Variants in IQGAP1 observed in about 807,000 individuals in gnomAD.
The protein encoded by IQGAP1 is IQ motif containing GTPase activating protein 1.
Under a neutral mutation model 215.6 loss-of-function variants are expected in IQGAP1, and 66 were observed. That is an observed-to-expected ratio of 0.31 (90% CI 0.25 to 0.38). The LOEUF (loss-of-function observed/expected upper bound fraction) is 0.38, where lower values mean the gene tolerates loss of function less well. Among genes scored for constraint, IQGAP1 ranks in the 10% least tolerant of loss-of-function variants. IQGAP1 has a pLI of 1.00. For synonymous variants in IQGAP1, 772 were observed against 728.7 expected (o/e 1.06, Z -0.96); for missense variants, 1,712 against 1,997.1 (o/e 0.86, Z 2.72).
At chr15:90,451,709 C>G (rs1965606731) in intron 11 of IQGAP1, among the ~76,000 whole-genome samples, 1 of 152,000 alleles carries the variant, frequency 6.6e-6, no homozygotes, top group Non-Finnish European at 1.5e-5. Flanking sequence ...CCAATCCAAA[C>G]CATAGCACTG....
In IQGAP1 at chr15:90,476,623, T is replaced by A. The variant is rs765646901; in HGVS notation, c.2785-40T>A. ...TTCCTCAATGCCCAGAGGTTCATCT[T>A]TGAAAGCTTTCTGATCTATTTATTG... On this transcript the variant is annotated intron_variant, in intron 23 of 37. Coordinates refer to ENST00000268182, the MANE Select transcript of IQGAP1 (RefSeq NM_003870.4). The A allele has an allele frequency of 2.0e-6, 3 of 1,494,344 alleles. No homozygotes were observed. The Admixed American group carries it at 6.9e-5, about 35-fold the overall frequency. The allele number at this position is 1,494,344 out of a possible 1,614,324, so 92.6% of individuals were successfully genotyped here.
intron 15 of IQGAP1, among the ~76,000 whole-genome samples, chr15:90,456,938 AC>A: frequency 1.8e-5 from 2 of 110,600 alleles, no homozygotes; most frequent in Non-Finnish European, 1.7e-5. Context: ...ATATATATAT[AC>A]GTATATATAT....
chr15:90,477,037 C>A, intron 24 of IQGAP1, 30 bp from the exon 25 acceptor site: 3 of 1,606,876 alleles, frequency 1.9e-6, no homozygotes, highest in Non-Finnish European at 2.6e-6. Flanking sequence ...ATATTACCTA[C>A]AAATGACTTA....
At chr15:90,441,843 C>T (rs1247991701) in intron 8 of IQGAP1, among the ~76,000 whole-genome samples, 159 bp downstream of exon 8, 4 of 152,130 alleles carry the variant, frequency 2.6e-5, no homozygotes, top group South Asian at 2.1e-4. Flanking sequence ...TATATGTGAT[C>T]ATTTAACCAT....
chr15:90,448,830 TC>T, intron 10 of IQGAP1, 94 bp downstream of exon 10: 1 of 1,131,082 alleles, frequency 8.8e-7, no homozygotes, highest in Non-Finnish European at 1.2e-6. Flanking sequence ...CCTTTGTTTT[TC>T]CCCCAATACG....
At chr15:90,472,085 A>G (rs915712808) in intron 18 of IQGAP1, among the ~76,000 whole-genome samples, 1 of 152,144 alleles carries the variant, frequency 6.6e-6, no homozygotes, top group Non-Finnish European at 1.5e-5. Flanking sequence ...GGGCAATATA[A>G]TGAGGACTCA....
intron 15 of IQGAP1, among the ~76,000 whole-genome samples, chr15:90,456,938 A>G (rs1335707846): frequency 9.0e-6 from 1 of 110,600 alleles, no homozygotes; most frequent in African/African-American, 5.1e-5. Context: ...ATATATATAT[A>G]CGTATATATA....
intron 2 of IQGAP1, among the ~76,000 whole-genome samples, chr15:90,403,651 C>T (rs546771490): frequency 1.4e-4 from 21 of 152,274 alleles, no homozygotes; most frequent in African/African-American, 5.1e-4. Context: ...AGTGGTTGCA[C>T]ACTGTACATT....
chr15:90,409,493 C>T (rs1388008517), intron 2 of IQGAP1, among the ~76,000 whole-genome samples: 1 of 152,124 alleles, frequency 6.6e-6, no homozygotes. Context: ...CCGCCTTGGC[C>T]TCCCAAAGTG....
At chr15:90,434,933 G>A (rs1420271207) in intron 5 of IQGAP1, among the ~76,000 whole-genome samples, 2 of 152,212 alleles carry the variant, frequency 1.3e-5, no homozygotes, top group Non-Finnish European at 2.9e-5. Context: ...GGCAGAGCAA[G>A]TGGGACATGA....
intron 2 of IQGAP1, among the ~76,000 whole-genome samples, chr15:90,402,543 T>C (rs1964817935): frequency 6.6e-6 from 1 of 152,198 alleles, no homozygotes; most frequent in African/African-American, 2.4e-5. Context: ...GTTTGGGGAT[T>C]TAGACACACT....
At position 90,388,320 on chromosome 15, in the gene IQGAP1, CAG is replaced by C. The variant is rs1964579687; in HGVS notation, c.-18_-17del. The C allele has an allele frequency of 6.3e-7, 1 of 1,597,642 alleles. No individual in the cohort carries two copies. Among genetic ancestry groups the C allele is most frequent in the Non-Finnish European group, 8.5e-7 (1 of 1,173,492 alleles). On this transcript the variant is annotated 5_prime_UTR_variant, in exon 1 of 38. Coordinates refer to ENST00000268182, the MANE Select transcript of IQGAP1 (RefSeq NM_003870.4). ...CTCCAAGGTTTCACGGCTTCCTCAG[CAG>C]AGACTCGGGCTCGTCCGCCATGTCC...
In IQGAP1 at chr15:90,464,638, C is replaced by T. The variant is rs186503020; in HGVS notation, c.1777-1363C>T. Among the ~76,000 whole-genome samples the T allele has an allele frequency of 1.3e-4, 20 of 152,146 alleles. 1 individual carries two copies. The highest frequency in any genetic ancestry group is 2.1e-4 in the Non-Finnish European group (14 of 67,990). On this transcript the variant is annotated intron_variant, in intron 15 of 37. Transcript: ENST00000268182. ...GGCCAGGACGTGCAGATCACAAGGT[C>T]AGGAGATTGAGACCATCCTGGCTAA...
rs757549582 is a variant in IQGAP1, at chr15:90,494,854, T to C, written c.4751+19T>C. 1.9e-6 allele frequency: 3 copies of C among 1,573,454 alleles called. No homozygotes were observed. Among genetic ancestry groups the C allele is most frequent in the Non-Finnish European group, 2.6e-6 (3 of 1,159,134 alleles). ...TGAATCAGTGAGTCTTTGCTTTTTG[T>C]TTTATAAGTTGATTTTTATTTCTAC... On this transcript the variant is annotated intron_variant, in intron 36 of 37. Coordinates refer to ENST00000268182, the MANE Select transcript of IQGAP1 (RefSeq NM_003870.4).
intron 1 of IQGAP1, among the ~76,000 whole-genome samples, chr15:90,389,885 G>A (rs958867842): frequency 3.3e-5 from 5 of 150,614 alleles, no homozygotes; most frequent in Admixed American, 2.0e-4. Context: ...AGCCCAGAAA[G>A]TCGAGGCTGC....
intron 2 of IQGAP1, among the ~76,000 whole-genome samples, chr15:90,424,026 CT>C (rs397824844): frequency 1.0e-3 from 151 of 146,124 alleles, no homozygotes; most frequent in Non-Finnish European, 9.1e-4. Flanking sequence ...AAATAAGTAA[CT>C]TTTTTTTTTT....
intron 2 of IQGAP1, among the ~76,000 whole-genome samples, chr15:90,413,569 G>T (rs7167704): frequency 0.38 from 57,937 of 151,948 alleles, 11,924 homozygotes; most frequent in African/African-American, 0.55. Flanking sequence ...GGTTGCACAG[G>T]GAGTTTCGGC....
intron 35 of IQGAP1, among the ~76,000 whole-genome samples, chr15:90,493,257 C>A (rs558630237): frequency 6.6e-6 from 1 of 151,784 alleles, no homozygotes; most frequent in African/African-American, 2.4e-5. Flanking sequence ...AAAAAATCTT[C>A]TTGGCCTTAG....
chr15:90,462,813 A>G (rs1016935350), intron 15 of IQGAP1, among the ~76,000 whole-genome samples: 10 of 152,042 alleles, frequency 6.6e-5, no homozygotes, highest in Non-Finnish European at 1.2e-4. Context: ...CTGAAATGCA[A>G]TCAGCGTGTT....
Sources: gnomAD v4.1 joint callset for allele counts (sites outside exome capture counted in the v4.1 genomes callset) on GRCh38, gnomAD v4.1.1 for gene constraint, MANE v1.5 for transcripts, NCBI Gene and HGNC (gene_info 2026-07-23, HGNC 2026-07-21) for gene names.